Variants in GNG12 observed in about 807,000 individuals in gnomAD.
GNG12 encodes the protein guanine nucleotide-binding protein G(I)/G(S)/G(O) subunit gamma-12.
For synonymous variants in GNG12, 28 were observed against 29.7 expected, an observed-to-expected ratio of 0.94 and a Z score of 0.19; for missense variants, 69 against 83.8, an observed-to-expected ratio of 0.82 and a Z score of 0.69.
intron 2 of GNG12, among the ~76,000 whole-genome samples, chr1:67,747,453 G>A (rs1169283327): frequency 6.6e-6 from 1 of 152,188 alleles, no homozygotes; most frequent in Non-Finnish European, 1.5e-5. Flanking sequence ...GATGGCCCAA[G>A]ACTGTATCAT....
At chr1:67,788,327 A>ATTTGTTTTGT (rs201675081) in intron 1 of GNG12, among the ~76,000 whole-genome samples, 4 of 151,598 alleles carry the variant, frequency 2.6e-5, no homozygotes, top group African/African-American at 7.3e-5. Context: ...AACTTTTTTG[A>ATTTGTTTTGT]TTTGTTTTGT....
chr1:67,754,676 T>C (rs1172085806), intron 2 of GNG12, among the ~76,000 whole-genome samples: 1 of 152,112 alleles, frequency 6.6e-6, no homozygotes, highest in East Asian at 1.9e-4. Context: ...AGTTTAGATA[T>C]CGCTTCCTGC....
intron 1 of GNG12, among the ~76,000 whole-genome samples, chr1:67,831,857 C>A (rs1647047357): frequency 6.6e-6 from 1 of 152,158 alleles, no homozygotes; most frequent in South Asian, 2.1e-4. Flanking sequence ...AATTCAATCC[C>A]GTCGTTCTAG....
intron 1 of GNG12, among the ~76,000 whole-genome samples, chr1:67,785,655 T>A (rs1300995386): frequency 2.0e-5 from 3 of 152,142 alleles, no homozygotes; most frequent in Admixed American, 2.0e-4. Context: ...TTTTAAAAAA[T>A]GTAATTAAAA....
At chr1:67,758,899 G>T (rs1646585749) in intron 2 of GNG12, among the ~76,000 whole-genome samples, 1 of 152,054 alleles carries the variant, frequency 6.6e-6, no homozygotes, top group Non-Finnish European at 1.5e-5. Flanking sequence ...GGGAAGGGGG[G>T]GATGAAAAGT....
intron 2 of GNG12, among the ~76,000 whole-genome samples, chr1:67,718,696 C>A (rs1272755468): frequency 6.6e-6 from 1 of 152,008 alleles, no homozygotes; most frequent in Non-Finnish European, 1.5e-5. Flanking sequence ...CTTGTAACAG[C>A]ACTCCTGCCC....
chr1:67,775,677 A>G (rs1473728842), intron 2 of GNG12, among the ~76,000 whole-genome samples: 1 of 152,240 alleles, frequency 6.6e-6, no homozygotes, highest in Non-Finnish European at 1.5e-5. Context: ...CTAAGTGAAT[A>G]AGAAGCTGGG....
At chr1:67,778,112 CTA>C (rs1557614286) in intron 1 of GNG12, among the ~76,000 whole-genome samples, 1 of 148,756 alleles carries the variant, frequency 6.7e-6, no homozygotes, top group African/African-American at 2.5e-5. Flanking sequence ...TTAATTATAA[CTA>C]TACATAATTA....
intron 1 of GNG12, among the ~76,000 whole-genome samples, chr1:67,830,097 C>T (rs943400845): frequency 6.6e-6 from 1 of 151,540 alleles, no homozygotes; most frequent in Admixed American, 6.6e-5. Flanking sequence ...CCTCCGCCTC[C>T]TGGGTTCAAG....
At chr1:67,832,573 C>G (rs1287535435) in intron 1 of GNG12, 1 of 151,764 alleles carries the variant, frequency 6.6e-6, no homozygotes, top group African/African-American at 2.4e-5. Context: ...AAACAGAATT[C>G]ACCCTGCCCC....
At chr1:67,820,250 G>A (rs1423725548) in intron 1 of GNG12, among the ~76,000 whole-genome samples, 1 of 152,066 alleles carries the variant, frequency 6.6e-6, no homozygotes, top group East Asian at 1.9e-4. Context: ...TTAGCTGGGT[G>A]TGGTGGCATA....
At chr1:67,811,258 T>C (rs993542806) in intron 1 of GNG12, among the ~76,000 whole-genome samples, 6 of 152,176 alleles carry the variant, frequency 3.9e-5, no homozygotes, top group African/African-American at 9.7e-5. Context: ...CTGGTTCTGA[T>C]TGAACTGGGT....
At chr1:67,715,194 G>C (rs1646318718) in intron 2 of GNG12, among the ~76,000 whole-genome samples, 2 of 152,206 alleles carry the variant, frequency 1.3e-5, no homozygotes, top group African/African-American at 2.4e-5. Flanking sequence ...TGGGATTACA[G>C]GCGTGAGCCA....
intron 1 of GNG12, among the ~76,000 whole-genome samples, chr1:67,822,149 G>C (rs1028480460): frequency 6.6e-6 from 1 of 151,994 alleles, no homozygotes; most frequent in Non-Finnish European, 1.5e-5. Flanking sequence ...AGTCGTCCTG[G>C]GCCGCATGCG....
chr1:67,716,787 C>T (rs1036035605), intron 2 of GNG12, among the ~76,000 whole-genome samples: 3 of 152,144 alleles, frequency 2.0e-5, no homozygotes, highest in Non-Finnish European at 2.9e-5. Flanking sequence ...CAGCAGGAAG[C>T]GTGAAGGCAA....
intron 1 of GNG12, among the ~76,000 whole-genome samples, chr1:67,782,259 G>T (rs1387305354): frequency 6.6e-6 from 1 of 152,172 alleles, no homozygotes; most frequent in East Asian, 1.9e-4. Context: ...TTAGATGTTT[G>T]GAGGGCTACC....
chr1:67,713,210 T>C (rs1233070512), intron 2 of GNG12, among the ~76,000 whole-genome samples: 2 of 152,228 alleles, frequency 1.3e-5, no homozygotes, highest in African/African-American at 2.4e-5. Flanking sequence ...AAGTATTCTA[T>C]CCCACCCAGA....
intron 1 of GNG12, among the ~76,000 whole-genome samples, chr1:67,798,296 T>C (rs1366731831): frequency 2.6e-5 from 4 of 152,140 alleles, no homozygotes; most frequent in African/African-American, 9.7e-5. Flanking sequence ...GCGCAGAATC[T>C]AGGTTGTACA....
At chr1:67,817,373 G>C (rs1189345076) in intron 1 of GNG12, among the ~76,000 whole-genome samples, 1 of 152,196 alleles carries the variant, frequency 6.6e-6, no homozygotes, top group African/African-American at 2.4e-5. Flanking sequence ...CCATTTTACA[G>C]ATAAGGAAAG....
Sources: gnomAD v4.1 joint callset for allele counts (sites outside exome capture counted in the v4.1 genomes callset) on GRCh38, gnomAD v4.1.1 for gene constraint, MANE v1.5 for transcripts, NCBI Gene and HGNC (gene_info 2026-07-23, HGNC 2026-07-21) for gene names.